EYA3: variants seen among roughly 807,000 people sequenced by gnomAD.
EYA3 encodes protein phosphatase EYA3.
A neutral mutation model predicts 80.0 loss-of-function variants in EYA3; 39 were observed. That is an observed-to-expected ratio of 0.49 (90% CI 0.38 to 0.64). EYA3 has a LOEUF of 0.64. Among genes scored for constraint, EYA3 ranks in the 30% least tolerant of loss-of-function variants. The probability of loss-of-function intolerance (pLI) is 0.00; values close to 1 mark genes in which losing one functional copy is unlikely to be tolerated. For missense variants in EYA3, 523 were observed against 676.1 expected (o/e 0.77, Z 2.51); for synonymous variants, 206 against 232.8 (o/e 0.88, Z 1.05).
intron 7 of EYA3, among the ~76,000 whole-genome samples, chr1:28,019,758 C>T (rs1435214173): frequency 6.6e-6 from 1 of 151,960 alleles, no homozygotes; most frequent in East Asian, 1.9e-4. Flanking sequence ...GGCTAGAGTG[C>T]AATGGTAGTC....
intron 1 of EYA3, among the ~76,000 whole-genome samples, chr1:28,088,132 T>TG (rs146802630): frequency 0.042 from 6,366 of 152,076 alleles, 160 homozygotes; most frequent in African/African-American, 0.06. Context: ...AATGAGAAGC[T>TG]GGGCCGTCTC....
At chr1:28,029,436 T>C (rs1374279243) in intron 6 of EYA3, among the ~76,000 whole-genome samples, 1 of 152,208 alleles carries the variant, frequency 6.6e-6, no homozygotes, top group Admixed American at 6.5e-5. Flanking sequence ...TCCTTAGCAG[T>C]ATCTGCCTTT....
chr1:27,988,469 T>A, intron 16 of EYA3, 66 bp downstream of exon 16: 2 of 1,564,794 alleles, frequency 1.3e-6, no homozygotes, highest in Non-Finnish European at 1.7e-6. Context: ...TAGAAAATAA[T>A]AGGTGCATCA....
chr1:28,009,532 C>G lies in EYA3; in HGVS notation c.909+1415G>C, dbSNP rs1313909888. ...AGGCATGGTGGTGTGCACCTATAAT[C>G]CCAGCTACTCTGGAGGCTGAGGCAG... On this transcript the variant is annotated intron_variant, in intron 10 of 17. Coordinates refer to ENST00000373871, the MANE Select transcript of EYA3 (RefSeq NM_001990.4). The surrounding 1 kb of genome is among the most constrained non-coding windows in gnomAD (Gnocchi z 4.8). Among the ~76,000 whole-genome samples the G allele has an allele frequency of 6.6e-6, 1 of 152,074 alleles. No individual in the cohort carries two copies. The highest frequency in any genetic ancestry group is 2.4e-5 in the African/African-American group (1 of 41,400).
At chr1:28,012,242 T>C (rs1444390352) in intron 9 of EYA3, among the ~76,000 whole-genome samples, 1 of 152,256 alleles carries the variant, frequency 6.6e-6, no homozygotes, top group Non-Finnish European at 1.5e-5. Context: ...CTTTTCTCTA[T>C]GTTTGAAATT....
intron 2 of EYA3, among the ~76,000 whole-genome samples, chr1:28,051,727 CAGA>C (rs529671214): frequency 2.0e-5 from 3 of 151,974 alleles, no homozygotes; most frequent in Non-Finnish European, 2.9e-5. Flanking sequence ...ATAAACCTAA[CAGA>C]AGAAGAAGTA....
intron 6 of EYA3, 102 bp downstream of exon 6, chr1:28,035,442 A>G (rs1451725190): frequency 1.5e-6 from 2 of 1,300,532 alleles, no homozygotes; most frequent in African/African-American, 3.0e-5. Context: ...ACCCAACCAC[A>G]TATGTAACTA....
At chr1:28,084,310 T>G (rs933020127) in intron 1 of EYA3, among the ~76,000 whole-genome samples, 2 of 151,880 alleles carry the variant, frequency 1.3e-5, no homozygotes, top group African/African-American at 4.8e-5. Flanking sequence ...TTGATGGAAC[T>G]AAATAAAAAT....
At chr1:28,048,117 A>G (rs907631292) in intron 3 of EYA3, among the ~76,000 whole-genome samples, 1 of 152,168 alleles carries the variant, frequency 6.6e-6, no homozygotes, top group Non-Finnish European at 1.5e-5. Context: ...AGTCTCCTCT[A>G]TGTAGCACAG....
At chr1:28,082,828 T>G (rs1182272798) in intron 1 of EYA3, among the ~76,000 whole-genome samples, 1 of 152,160 alleles carries the variant, frequency 6.6e-6, no homozygotes, top group Non-Finnish European at 1.5e-5. Context: ...TCCAAGTAAC[T>G]CCAAAGTAAT....
In EYA3 at chr1:27,999,977, A is replaced by G; in HGVS notation, c.1066T>C (p.Phe356Leu). ...ATGCTTACCTCTAAGTCATTGAAAA[A>G]TAGATGAGTATCAGCCACTTCAAAA... ...MIFEVADTHL[F>L]FNDLEECDQV... is the part of the protein sequence containing the mutation. The change falls in exon 12 of 18, where the codon TTT becomes CTT. Residue 356 changes from phenylalanine (F) to leucine (L), a missense_variant. Coordinates refer to ENST00000373871, the MANE Select transcript of EYA3 (RefSeq NM_001990.4). The G allele has an allele frequency of 6.2e-7, 1 of 1,608,294 alleles. No homozygotes were observed. The highest frequency in any genetic ancestry group is 8.5e-7 in the Non-Finnish European group (1 of 1,177,224).
At chr1:28,004,637 A>C (rs772342019) in intron 10 of EYA3, among the ~76,000 whole-genome samples, 3 of 152,128 alleles carry the variant, frequency 2.0e-5, no homozygotes, top group Non-Finnish European at 4.4e-5. Flanking sequence ...TTTGTGGAAT[A>C]CAGTGAAAGC....
intron 10 of EYA3, among the ~76,000 whole-genome samples, chr1:28,007,240 G>A (rs895974141): frequency 1.8e-4 from 28 of 151,748 alleles, no homozygotes; most frequent in African/African-American, 6.5e-4. Flanking sequence ...GTCCCTGGCC[G>A]ATGTGATCTT....
intron 16 of EYA3, among the ~76,000 whole-genome samples, chr1:27,983,097 AAG>A (rs1187447989): frequency 5.3e-5 from 8 of 152,140 alleles, no homozygotes; most frequent in African/African-American, 1.9e-4. Context: ...TTTTTCTGTA[AAG>A]AGTCAGAGAG....
intron 3 of EYA3, among the ~76,000 whole-genome samples, chr1:28,047,116 A>T (rs994657806): frequency 4.0e-5 from 6 of 150,612 alleles, no homozygotes; most frequent in Admixed American, 4.0e-4. Flanking sequence ...CCAAAAGTGG[A>T]GCCACCACAC....
At chr1:28,038,439 TAAAA>T (rs74525723) in intron 5 of EYA3, among the ~76,000 whole-genome samples, 73 of 68,502 alleles carry the variant, frequency 1.1e-3, no homozygotes, top group East Asian at 3.2e-3. Context: ...GATTCTATCT[TAAAA>T]AAAAAAAAAA....
rs112785046 is a variant in EYA3 at position 28,050,228 on chromosome 1, T to C, written c.34-1802A>G. Among the ~76,000 whole-genome samples, 778 of 151,106 alleles carry C rather than the reference T, an allele frequency of 5.1e-3. 5 individuals are homozygous for C. The highest frequency in any genetic ancestry group is 8.6e-3 in the Non-Finnish European group (581 of 67,698). On this transcript the variant is annotated intron_variant, in intron 2 of 17. Coordinates refer to ENST00000373871, the MANE Select transcript of EYA3 (RefSeq NM_001990.4). ...TTTTTTTTGAGACAGGGTCTTGTTC[T>C]GTCACCCAGGCTGGAGTGCCATGGC...
chr1:28,019,572 TAAA>T (rs1209070429), intron 7 of EYA3, among the ~76,000 whole-genome samples: 2 of 152,194 alleles, frequency 1.3e-5, no homozygotes, highest in Admixed American at 6.5e-5. Context: ...GGAAATAAAA[TAAA>T]GAATTGATTT....
At chr1:28,018,959 A>T (rs981623512) in intron 7 of EYA3, among the ~76,000 whole-genome samples, 3 of 152,150 alleles carry the variant, frequency 2.0e-5, no homozygotes, top group African/African-American at 7.2e-5. Context: ...TGAGGTCAAG[A>T]GTTTGAGACC....
Sources: gnomAD v4.1 joint callset for allele counts (sites outside exome capture counted in the v4.1 genomes callset) on GRCh38, gnomAD v4.1.1 for gene constraint, Gnocchi (gnomAD v3.1) non-coding constraint, MANE v1.5 for transcripts, NCBI Gene and HGNC (gene_info 2026-07-23, HGNC 2026-07-21) for gene names.